CCNH: variants seen among roughly 807,000 people sequenced by gnomAD.
CCNH encodes cyclin H, also known as cyclin-H.
CCNH carries 31 observed loss-of-function variants against 41.9 expected under a neutral mutation model. That is an observed-to-expected ratio of 0.74 (90% CI 0.56 to 1.00). The LOEUF is 1.00. Ranked by LOEUF, CCNH falls within the 50% of genes least tolerant of loss-of-function variation. The pLI is 0.00. For missense variants in CCNH, 362 were observed against 388.4 expected (o/e 0.93, Z 0.57); for synonymous variants, 138 against 136.1 (o/e 1.01, Z -0.10).
At chr5:87,357,922 A>G (rs1759774354) in intron 9 of CCNH, among the ~76,000 whole-genome samples, 1 of 152,200 alleles carries the variant, frequency 6.6e-6, no homozygotes, top group African/African-American at 2.4e-5. Context: ...ATTGATTGCT[A>G]CACAGAAACT....
chr5:87,404,559 A>G (rs777615999), intron 5 of CCNH, among the ~76,000 whole-genome samples: 5 of 152,240 alleles, frequency 3.3e-5, no homozygotes, highest in Non-Finnish European at 7.3e-5. Flanking sequence ...GCTGCACTCA[A>G]GTTGCTCACC....
At chr5:87,350,639 A>G (rs1158155376) in intron 9 of CCNH, among the ~76,000 whole-genome samples, 1 of 151,662 alleles carries the variant, frequency 6.6e-6, no homozygotes, top group Non-Finnish European at 1.5e-5. Context: ...GCTGAACACC[A>G]TGATGGAACA....
chr5:87,331,343 C>T lies in CCNH; in HGVS notation c.*91-12446G>A. On this transcript the variant is annotated intron_variant and NMD_transcript_variant, in intron 9 of 9. Transcript: ENST00000645953. ...ATTGTAATATCTTCTCTGTTTTTCCCCTAGGTGGTATCACGGAAAACTTGA... is the reference window on the plus strand; with the variant it reads ...ATTGTAATATCTTCTCTGTTTTTCCTCTAGGTGGTATCACGGAAAACTTGA... 6 of 1,598,734 alleles carry T rather than the reference C, an allele frequency of 3.8e-6. No homozygotes were observed. Among genetic ancestry groups the T allele is most frequent in the Non-Finnish European group, 4.3e-6 (5 of 1,166,274 alleles).
At chr5:87,379,203 A>G (rs1035598845), upstream of CCNH, among the ~76,000 whole-genome samples, 1 of 152,184 alleles carries the variant, frequency 6.6e-6, no homozygotes, top group African/African-American at 2.4e-5. Flanking sequence ...AAGGGAAGAA[A>G]TTAGTGATTT....
At chr5:87,383,614 T>C (rs1761875379) in intron 9 of CCNH, 2 of 883,608 alleles carry the variant, frequency 2.3e-6, no homozygotes, top group Non-Finnish European at 3.5e-6. Flanking sequence ...TTATGGGTTC[T>C]ATGAGTACTA....
intron 9 of CCNH, among the ~76,000 whole-genome samples, chr5:87,325,053 A>G (rs1240874027): frequency 6.6e-6 from 1 of 152,154 alleles, no homozygotes; most frequent in African/African-American, 2.4e-5. Context: ...AAAGAGGCTT[A>G]ATTGACTCAT....
chr5:87,365,237 T>G (rs3804232), intron 9 of CCNH, among the ~76,000 whole-genome samples: 1 of 151,882 alleles, frequency 6.6e-6, no homozygotes, highest in African/African-American at 2.4e-5. Context: ...GTAGAGATAT[T>G]TAACAAATGT....
chr5:87,355,306 G>A (rs1759568797), intron 9 of CCNH, among the ~76,000 whole-genome samples: 1 of 152,150 alleles, frequency 6.6e-6, no homozygotes, highest in South Asian at 2.1e-4. Flanking sequence ...TAATGCAGCT[G>A]GTGACTTTAG....
exon 1 of CCNH, chr5:87,376,864 T>C: frequency 1.3e-6 from 2 of 1,580,758 alleles, no homozygotes; most frequent in South Asian, 1.1e-5. Flanking sequence ...AAACAATCTT[T>C]TAAAATGTCA....
At chr5:87,369,897 A>C in intron 9 of CCNH, 1 of 1,603,946 alleles carries the variant, frequency 6.2e-7, no homozygotes, top group South Asian at 1.1e-5. Flanking sequence ...CAGAACAAGC[A>C]GAGGTAAGAT....
At chr5:87,408,896 G>GAC (rs1297996812) in intron 3 of CCNH, among the ~76,000 whole-genome samples, 2 of 152,132 alleles carry the variant, frequency 1.3e-5, no homozygotes, top group East Asian at 1.9e-4. Context: ...AGCAACAACA[G>GAC]ACCTTTGTTC....
chr5:87,319,829 G>T (rs1245325368), intron 9 of CCNH, among the ~76,000 whole-genome samples: 1 of 152,148 alleles, frequency 6.6e-6, no homozygotes, highest in Non-Finnish European at 1.5e-5. Flanking sequence ...CCCAAAATGG[G>T]TTTGTCTTTT....
intron 1 of CCNH, 83 bp from the exon 2 acceptor site, chr5:87,411,429 ATTTAG>A (rs1159483421): frequency 8.0e-6 from 11 of 1,379,526 alleles, no homozygotes; most frequent in Non-Finnish European, 1.1e-5. Context: ...TCTAGATTAA[ATTTAG>A]TTTATATATC....
chr5:87,400,868 G>T (rs1030163331), intron 6 of CCNH, among the ~76,000 whole-genome samples: 6 of 152,230 alleles, frequency 3.9e-5, no homozygotes, highest in Admixed American at 3.3e-4. Context: ...CAAGAATGGA[G>T]AATGCTGGCT....
the CCNH span, among the ~76,000 whole-genome samples, chr5:87,312,668 T>C: frequency 0.025 from 3,770 of 152,272 alleles, 107 homozygotes; most frequent in African/African-American, 0.057. Flanking sequence ...GCAACTGGAA[T>C]CTCAGGGATA....
At chr5:87,382,908 T>G (rs953622498) in intron 9 of CCNH, among the ~76,000 whole-genome samples, 1 of 151,106 alleles carries the variant, frequency 6.6e-6, no homozygotes, top group Non-Finnish European at 1.5e-5. Flanking sequence ...GTAGCGAGAC[T>G]CTGCTTTCTA....
chr5:87,314,839 G>A (rs578027191), downstream of CCNH, among the ~76,000 whole-genome samples: 2 of 152,310 alleles, frequency 1.3e-5, no homozygotes, highest in East Asian at 3.9e-4. Context: ...AGGTTGATGG[G>A]AGAGTTAGGA....
intron 5 of CCNH, among the ~76,000 whole-genome samples, chr5:87,404,151 T>C (rs1763621307): frequency 6.6e-6 from 1 of 152,204 alleles, no homozygotes; most frequent in Non-Finnish European, 1.5e-5. Flanking sequence ...GTGTATATAT[T>C]ATGAAATGTG....
In CCNH at chr5:87,409,357, C is replaced by A. The variant is rs923725080; in HGVS notation, c.247G>T (p.Ala83Ser). 2 of 1,555,122 alleles carry A rather than the reference C, an allele frequency of 1.3e-6. No homozygotes were observed. Among genetic ancestry groups the A allele is most frequent in the Non-Finnish European group, 8.9e-7 (1 of 1,128,896 alleles). The change falls in exon 3 of 9, where the codon GCT becomes TCT. Residue 83 changes from alanine to serine, a missense_variant. Transcript: ENST00000256897. ...TAAAAACGTTTGAAATACATACAAGCCGTACCCTAAGGGTTAAAAAAAATA... is the reference window on the plus strand; with the variant it reads ...TAAAAACGTTTGAAATACATACAAGACGTACCCTAAGGGTTAAAAAAAATA... ...PAMPRSVVGT[A>S]CMYFKRFYLN... is the part of the protein sequence containing the mutation.
Sources: gnomAD v4.1 joint callset for allele counts (sites outside exome capture counted in the v4.1 genomes callset) on GRCh38, gnomAD v4.1.1 for gene constraint, MANE v1.5 for transcripts, NCBI Gene and HGNC (gene_info 2026-07-23, HGNC 2026-07-21) for gene names.